ALK: variants seen among roughly 807,000 people sequenced by gnomAD.
ALK encodes the protein ALK tyrosine kinase receptor.
ALK carries 74 observed loss-of-function variants against 163.1 expected under a neutral mutation model. The observed-to-expected ratio is 0.45, with a 90% confidence interval of 0.38 to 0.55. The LOEUF (loss-of-function observed/expected upper bound fraction) is 0.55. Among genes scored for constraint, ALK ranks in the 20% least tolerant of loss-of-function variants. The pLI is 0.00. For missense variants in ALK, 2,063 were observed against 2,105.3 expected (o/e 0.98, Z 0.39); for synonymous variants, 960 against 843.2 (o/e 1.14, Z -2.40).
intron 5 of ALK, among the ~76,000 whole-genome samples, chr2:29,372,979 T>C (rs79125733): frequency 0.083 from 12,648 of 152,030 alleles, 577 homozygotes; most frequent in Non-Finnish European, 0.11. Context: ...CCACCCTGTT[T>C]GCTTCACAGC....
intron 6 of ALK, among the ~76,000 whole-genome samples, chr2:29,322,064 G>A (rs1369728534): frequency 6.6e-6 from 1 of 152,238 alleles, no homozygotes. Flanking sequence ...TATTCCAGGC[G>A]ATTCTGATGG....
At chr2:29,475,550 C>G (rs1191344607) in intron 4 of ALK, among the ~76,000 whole-genome samples, 1 of 152,200 alleles carries the variant, frequency 6.6e-6, no homozygotes, top group African/African-American at 2.4e-5. Flanking sequence ...GAGGCTGCAT[C>G]TCCAGGCCCT....
intron 1 of ALK, among the ~76,000 whole-genome samples, chr2:29,719,654 G>C (rs958868571): frequency 2.0e-5 from 3 of 152,160 alleles, no homozygotes; most frequent in African/African-American, 7.2e-5. Flanking sequence ...AGGAAATTGA[G>C]GCATAAAGAC....
At chr2:29,729,880 G>C (rs1167392313) in intron 1 of ALK, among the ~76,000 whole-genome samples, 1 of 152,210 alleles carries the variant, frequency 6.6e-6, no homozygotes, top group African/African-American at 2.4e-5. Context: ...CCAGCATCCA[G>C]AGAAGCCAGT....
In ALK at chr2:29,330,600, C is replaced by T. The variant is rs571848724; in HGVS notation, c.1283-2119G>A. On this transcript the variant is annotated intron_variant, in intron 5 of 28. Transcript: ENST00000389048. ...TAGCAGACCCCCAAATAGACACATCCGAATCCCTGGGGCCCGTGAAAATGT... is the reference window on the plus strand; with the variant it reads ...TAGCAGACCCCCAAATAGACACATCTGAATCCCTGGGGCCCGTGAAAATGT... Among the ~76,000 whole-genome samples the T allele has an allele frequency of 9.8e-5, 15 of 152,288 alleles. No individual in the cohort carries two copies. The South Asian group carries it at 2.1e-3, about 21-fold the overall frequency.
intron 1 of ALK, among the ~76,000 whole-genome samples, chr2:29,813,609 T>C (rs1296600871): frequency 6.6e-6 from 1 of 152,190 alleles, no homozygotes; most frequent in African/African-American, 2.4e-5. Flanking sequence ...TACAGGGATA[T>C]GGGTGTCTGT....
intron 3 of ALK, among the ~76,000 whole-genome samples, chr2:29,559,120 AG>A (rs1158591626): frequency 6.6e-6 from 1 of 152,168 alleles, no homozygotes; most frequent in African/African-American, 2.4e-5. Flanking sequence ...GAGGGCAAAA[AG>A]TGTTTCTGGA....
chr2:29,750,538 C>T (rs1384346547), intron 1 of ALK, among the ~76,000 whole-genome samples: 2 of 151,596 alleles, frequency 1.3e-5, no homozygotes, highest in African/African-American at 4.9e-5. Flanking sequence ...TGGCATATGC[C>T]TGTAGTCCCA....
chr2:29,318,823 C>T (rs1210948129), intron 7 of ALK, among the ~76,000 whole-genome samples: 1 of 152,156 alleles, frequency 6.6e-6, no homozygotes, highest in Admixed American at 6.5e-5. Context: ...GTCTCGGCCT[C>T]CCAAAGTGCT....
chr2:29,692,108 C>T (rs557887896), intron 3 of ALK, among the ~76,000 whole-genome samples: 1 of 152,170 alleles, frequency 6.6e-6, no homozygotes, highest in Admixed American at 6.5e-5. Flanking sequence ...CAGAATCATC[C>T]AAGAAACTTA....
chr2:29,470,285 G>C (rs1016079487), intron 4 of ALK, among the ~76,000 whole-genome samples: 1 of 152,038 alleles, frequency 6.6e-6, no homozygotes, highest in African/African-American at 2.4e-5. Context: ...ATAATTTGAA[G>C]TCCCAGACAA....
chr2:29,492,568 G>T (rs751933552), intron 4 of ALK, among the ~76,000 whole-genome samples: 3 of 152,120 alleles, frequency 2.0e-5, no homozygotes, highest in Non-Finnish European at 4.4e-5. Flanking sequence ...TTCTGCACAC[G>T]GTCAGTAGGT....
At chr2:29,357,873 T>C (rs17784942) in intron 5 of ALK, among the ~76,000 whole-genome samples, 10,995 of 152,310 alleles carry the variant, frequency 0.072, 521 homozygotes, top group Non-Finnish European at 0.11. Flanking sequence ...ATACTCTCGA[T>C]TTCAGAGATG....
At chr2:29,888,024 T>C (rs557118201) in intron 1 of ALK, among the ~76,000 whole-genome samples, 2 of 152,256 alleles carry the variant, frequency 1.3e-5, no homozygotes, top group Non-Finnish European at 2.9e-5. Context: ...CCATCCACTT[T>C]GAGGAGAGAG....
intron 4 of ALK, among the ~76,000 whole-genome samples, chr2:29,420,015 T>C (rs1055171883): frequency 6.6e-6 from 1 of 150,906 alleles, no homozygotes; most frequent in Non-Finnish European, 1.5e-5. Flanking sequence ...AAAAATTAGC[T>C]GGGCAAGATG....
chr2:29,621,768 A>G (rs1676045052), intron 3 of ALK, among the ~76,000 whole-genome samples: 1 of 152,126 alleles, frequency 6.6e-6, no homozygotes, highest in South Asian at 2.1e-4. Flanking sequence ...CAAGAATTCA[A>G]TTGCTTCTGG....
chr2:29,663,515 G>C (rs554758940), intron 3 of ALK, among the ~76,000 whole-genome samples: 1 of 152,250 alleles, frequency 6.6e-6, no homozygotes, highest in Non-Finnish European at 1.5e-5. Context: ...GATGGCATCA[G>C]TGAGATCCTT....
intron 1 of ALK, among the ~76,000 whole-genome samples, chr2:29,830,966 AGAAG>A (rs763322500): frequency 1.8e-3 from 48 of 27,344 alleles, no homozygotes; most frequent in African/African-American, 6.3e-3. Context: ...AAGAAGAAGA[AGAAG>A]AAGAAGAAGA....
intron 1 of ALK, among the ~76,000 whole-genome samples, chr2:29,758,041 C>T (rs1245965543): frequency 7.3e-6 from 1 of 136,652 alleles, no homozygotes. Context: ...GACAGAGTCT[C>T]ACTCTGTCAT....
Sources: allele counts gnomAD v4.1 joint callset (sites outside exome capture counted in the v4.1 genomes callset), GRCh38; gene constraint gnomAD v4.1.1; transcripts MANE v1.5; gene names NCBI Gene and HGNC (gene_info 2026-07-23, HGNC 2026-07-21).